TMEM220: variants seen among roughly 807,000 people sequenced by gnomAD.
TMEM220 encodes the protein transmembrane protein 220.
Under a neutral mutation model 21.7 loss-of-function variants are expected in TMEM220, and 21 were observed. That is an observed-to-expected ratio of 0.97 (90% confidence interval 0.69 to 1.39). TMEM220 has a LOEUF of 1.39. Ranked by LOEUF, TMEM220 falls within the 40% of genes most tolerant of loss-of-function variation. TMEM220 has a pLI of 0.00. For synonymous variants in TMEM220, 80 were observed against 73.6 expected (o/e 1.09, Z -0.45); for missense variants, 191 against 201.9 (o/e 0.95, Z 0.33).
At chr17:10,728,279 TTTTC>T (rs1356559579) in intron 2 of TMEM220, among the ~76,000 whole-genome samples, 1 of 151,446 alleles carries the variant, frequency 6.6e-6, no homozygotes, top group African/African-American at 2.4e-5. Flanking sequence ...GATTTAATAC[TTTTC>T]TTTGCTTTTT....
intron 3 of TMEM220, among the ~76,000 whole-genome samples, chr17:10,725,412 T>C (rs1178587705): frequency 1.3e-5 from 2 of 152,236 alleles, no homozygotes; most frequent in Non-Finnish European, 2.9e-5. Flanking sequence ...TCACAGTCCA[T>C]GTTTCCCAGT....
intron 5 of TMEM220, among the ~76,000 whole-genome samples, chr17:10,719,370 G>C (rs751063037): frequency 6.6e-6 from 1 of 151,940 alleles, no homozygotes; most frequent in Non-Finnish European, 1.5e-5. Flanking sequence ...TCCACCTCCC[G>C]GTTTCTCCTG....
rs1022060071 is a variant in TMEM220 at position 10,724,872 on chromosome 17, G to A, written c.287+139C>T. ...TTCCTCAGTTTCATCAGGTTATAAA[G>A]AAGATAATACCTTGCCTCCTCCACA... On this transcript the variant is annotated intron_variant, in intron 4 of 5. Transcript: ENST00000341871. 8 of 1,179,578 alleles carry A rather than the reference G, an allele frequency of 6.8e-6. No individual in the cohort carries two copies. In the African/African-American group the frequency reaches 1.2e-4, roughly 18 times the overall value. The allele number at this position is 1,179,578 out of a possible 1,614,324, so 73.1% of individuals were successfully genotyped here. A position where few individuals can be genotyped will look rare whatever the true frequency, so the allele number is the denominator to read the frequency against.
In TMEM220 at chr17:10,724,906, T is replaced by C. The variant is rs954559899; in HGVS notation, c.287+105A>G. The stretch of plus-strand genomic sequence containing the variant: ...ACCTTGCCTCCTCCACAGGGTACAC[T>C]GGGGGAATTCAGTTATCATTGTGCA... On this transcript the variant is annotated intron_variant, in intron 4 of 5. Coordinates refer to ENST00000341871, the MANE Select transcript of TMEM220 (RefSeq NM_001004313.3). 33 of 1,489,824 alleles carry C rather than the reference T, an allele frequency of 2.2e-5. No individual in the cohort carries two copies. In the Admixed American group the frequency reaches 3.3e-4, roughly 15 times the overall value. The allele number at this position is 1,489,824 out of a possible 1,614,324, so 92.3% of individuals were successfully genotyped here.
chr17:10,711,626 C>G (rs550035562), downstream of TMEM220, among the ~76,000 whole-genome samples: 2 of 152,262 alleles, frequency 1.3e-5, no homozygotes, highest in East Asian at 3.9e-4. Flanking sequence ...ATAGTTATTT[C>G]ACGGGTAAGC....
rs151239021 is a variant in TMEM220 at position 10,726,236 on chromosome 17, G to A, written c.131C>T (p.Thr44Ile). 6 of 1,613,988 alleles carry A rather than the reference G, an allele frequency of 3.7e-6. No individual in the cohort carries two copies. In the South Asian group the frequency reaches 4.4e-5, roughly 12 times the overall value. The stretch of plus-strand genomic sequence containing the variant: ...TTCAGGGTTAAGTCCAACAAGCAGG[G>A]TCAGTACTGCAGGGATTGTGTACAC... ...VVVYTIPAVLTLLVGLNPEVT... is the reference protein window; with the variant it reads ...VVVYTIPAVLILLVGLNPEVT... Residue 44 changes from threonine (T) to isoleucine (I), a missense_variant, in exon 3 of 6, where the codon ACC becomes ATC. By Grantham distance (89) the Thr-to-Ile change is moderately conservative. Transcript: ENST00000341871.
At chr17:10,721,825 T>C (rs2074996308) in intron 5 of TMEM220, among the ~76,000 whole-genome samples, 1 of 151,934 alleles carries the variant, frequency 6.6e-6, no homozygotes, top group African/African-American at 2.4e-5. Flanking sequence ...TCACAAAAAG[T>C]TGTTTTTCTC....
rs369012341 is a variant in TMEM220 at position 10,728,993 on chromosome 17, T to C, written c.102+38A>G. ...GTGTTTTGTGCCGTTCCCCAATTCTTCCAAACGGAGGAAAGCCTGGAAGCG... is the reference window on the plus strand; with the variant it reads ...GTGTTTTGTGCCGTTCCCCAATTCTCCCAAACGGAGGAAAGCCTGGAAGCG... On this transcript the variant is annotated intron_variant, in intron 2 of 5. Coordinates refer to ENST00000341871, the MANE Select transcript of TMEM220 (RefSeq NM_001004313.3). 5.6e-6 allele frequency: 9 copies of C among 1,612,718 alleles called. No individual in the cohort carries two copies. The African/African-American group carries it at 1.2e-4, about 22-fold the overall frequency.
chr17:10,723,345 C>T lies in TMEM220; in HGVS notation c.288-16G>A, dbSNP rs1215016459. Reference sequence around the variant, plus strand: ...AGACAGCTCCCTATAAAAGGGTGTACATTTCAGATTTTGGAAGTGGCTACA... The same window carrying T: ...AGACAGCTCCCTATAAAAGGGTGTATATTTCAGATTTTGGAAGTGGCTACA... On this transcript the variant is annotated splice_polypyrimidine_tract_variant and intron_variant, in intron 4 of 5. Transcript: ENST00000341871. 5.6e-6 allele frequency: 9 copies of T among 1,612,754 alleles called. No homozygotes were observed.
At position 10,714,398 on chromosome 17, in the gene TMEM220, G is replaced by C. The variant is rs2074884025; in HGVS notation, c.*1055C>G. On this transcript the variant is annotated 3_prime_UTR_variant, in exon 6 of 6. Transcript: ENST00000341871. Reference sequence around the variant, plus strand: ...GAAAATGGAAATGAAAAAAAAAAAAGCTCTCCTCCCTAGGATTACTTTGGA... The same window carrying C: ...GAAAATGGAAATGAAAAAAAAAAAACCTCTCCTCCCTAGGATTACTTTGGA... 6.7e-6 allele frequency: 1 copy of C among 150,228 alleles called. No individual in the cohort carries two copies. Among genetic ancestry groups the C allele is most frequent in the African/African-American group, 2.4e-5 (1 of 40,920 alleles). The allele number at this position is 150,228 out of a possible 1,614,324, so 9.3% of individuals were successfully genotyped here.
chr17:10,726,651 G>A (rs376200675), intron 2 of TMEM220, among the ~76,000 whole-genome samples: 3 of 152,200 alleles, frequency 2.0e-5, no homozygotes, highest in African/African-American at 7.2e-5. Flanking sequence ...GAGCAGCCAC[G>A]ATGCTAGATG....
Position 10,725,084 on chromosome 17 carries a change from C to T in TMEM220, c.214G>A (p.Val72Met). 1 of 1,614,088 alleles carries T rather than the reference C, an allele frequency of 6.2e-7. No individual in the cohort carries two copies. Among genetic ancestry groups the T allele is most frequent in the Non-Finnish European group, 8.5e-7 (1 of 1,180,016 alleles). The change falls in exon 4 of 6, where the codon GTG (valine) becomes ATG (methionine). Residue 72 changes from valine (V) to methionine (M), a missense_variant. Coordinates refer to ENST00000341871, the MANE Select transcript of TMEM220 (RefSeq NM_001004313.3). ...ISAIHILFCT[V>M]WAVGLASYLL... ...TAGGACGCCAAGCCAACAGCCCACA[C>T]CGTACAAAAGAGTATGTGTATTGCA...
intron 2 of TMEM220, among the ~76,000 whole-genome samples, chr17:10,726,872 C>G (rs140241392): frequency 8.5e-5 from 13 of 152,328 alleles, no homozygotes; most frequent in African/African-American, 2.6e-4. Flanking sequence ...CAAGCAGGCT[C>G]TAGCCAAACT....
chr17:10,722,355 T>C lies in TMEM220; in HGVS notation c.347+915A>G, dbSNP rs1429092305. On this transcript the variant is annotated intron_variant, in intron 5 of 5. Transcript: ENST00000341871. ...GATTCTTTGACTCTTAACTGAAATC[T>C]TTACCTTTACATTTAATGTAATTTC... Among the ~76,000 whole-genome samples, 6 of 152,202 alleles carry C rather than the reference T, an allele frequency of 3.9e-5. No individual in the cohort carries two copies. In the East Asian group the frequency reaches 9.6e-4, roughly 24 times the overall value.
rs1422904922 is a variant in TMEM220, at chr17:10,715,487, G to GA, written c.448dup (p.Ser150PhefsTer46). Reference sequence around the variant, plus strand: ...TGTCTTGCAGTGAGTTGGCCAAGAGGACCGCATTTCCTTGTTAATATATAT... The same window carrying GA: ...TGTCTTGCAGTGAGTTGGCCAAGAGGAACCGCATTTCCTTGTTAATATATAT... On this transcript the variant is annotated frameshift_variant, in exon 6 of 6. Transcript: ENST00000341871. LOFTEE classifies it high-confidence loss of function. 1 of 1,599,284 alleles carries GA rather than the reference G, an allele frequency of 6.3e-7. No individual in the cohort carries two copies. The highest frequency in any genetic ancestry group is 1.2e-5 in the South Asian group (1 of 86,584).
At chr17:10,725,204 G>GT in intron 3 of TMEM220, 70 bp from the exon 4 acceptor site, 1 of 1,589,568 alleles carries the variant, frequency 6.3e-7, no homozygotes, top group Non-Finnish European at 8.6e-7. Context: ...TGATCTTTTT[G>GT]TATGTTTTGC....
rs1206713443 is a variant in TMEM220 at position 10,715,263 on chromosome 17, G to T, written c.*190C>A. ...ACAAGACCCTGCAGAAAGTCGTCTG[G>T]AAAATATCAGACCATCTCTTACTTG... On this transcript the variant is annotated 3_prime_UTR_variant, in exon 6 of 6. Coordinates refer to ENST00000341871, the MANE Select transcript of TMEM220 (RefSeq NM_001004313.3). 6.2e-6 allele frequency: 3 copies of T among 482,358 alleles called. No homozygotes were observed. The highest frequency in any genetic ancestry group is 1.1e-5 in the Non-Finnish European group (3 of 277,850). 29.9% of individuals were successfully genotyped at this position (482,358 alleles called of 1,614,324 possible).
intron 4 of TMEM220, chr17:10,724,419 A>T (rs1277886532): frequency 6.5e-6 from 1 of 152,866 alleles, no homozygotes; most frequent in Non-Finnish European, 1.5e-5. Context: ...GTATCTACTA[A>T]AAATACAAAA....
intron 5 of TMEM220, among the ~76,000 whole-genome samples, chr17:10,719,554 C>T (rs1409050866): frequency 2.0e-5 from 3 of 152,120 alleles, no homozygotes; most frequent in East Asian, 1.9e-4. Flanking sequence ...TGTGAGCCAC[C>T]GCATCCGGCC....
Sources: allele counts gnomAD v4.1 joint callset (sites outside exome capture counted in the v4.1 genomes callset), GRCh38; gene constraint gnomAD v4.1.1; transcripts MANE v1.5; gene names NCBI Gene and HGNC (gene_info 2026-07-23, HGNC 2026-07-21).